Variants in HS3ST3A1 observed in about 807,000 individuals in gnomAD.
HS3ST3A1 encodes the protein heparan sulfate-glucosamine 3-sulfotransferase 3A1.
A neutral mutation model predicts 25.7 loss-of-function variants in HS3ST3A1; 19 were observed. The observed-to-expected ratio is 0.74, with a 90% confidence interval of 0.52 to 1.08. The LOEUF (loss-of-function observed/expected upper bound fraction) is 1.08. Ranked by LOEUF, HS3ST3A1 falls within the 50% of genes least tolerant of loss-of-function variation. HS3ST3A1 has a pLI of 0.00. For synonymous variants in HS3ST3A1, 226 were observed against 278.6 expected, an observed-to-expected ratio of 0.81 and a Z score of 1.88; for missense variants, 459 against 594.3, an observed-to-expected ratio of 0.77 and a Z score of 2.37.
chr17:13,496,292 C>G lies in HS3ST3A1; in HGVS notation c.1126G>C (p.Asp376His), dbSNP rs372095438. The part of the protein sequence containing the change: ...KTKGRTHPEI[D>H]REVVRRLREF... The stretch of plus-strand genomic sequence containing the variant: ...CGCAGCCTGCGCACCACCTCGCGGT[C>G]GATCTCAGGATGGGTCCTGCCCTTG... Residue 376 changes from aspartate to histidine, a missense_variant, in exon 2 of 2, where the codon GAC becomes CAC. By Grantham distance (81) the Asp-to-His change is moderately conservative. Around this residue, in one of 3 missense-constraint regions of HS3ST3A1, gnomAD observed 46 missense variants for 59.0 expected, o/e 0.78. Coordinates refer to ENST00000284110, the MANE Select transcript of HS3ST3A1 (RefSeq NM_006042.3). 1.3e-5 allele frequency: 20 copies of G among 1,550,692 alleles called. No homozygotes were observed. The highest frequency in any genetic ancestry group is 1.6e-5 in the Non-Finnish European group (19 of 1,152,050).
Position 13,601,088 on chromosome 17 carries a change from G to A in HS3ST3A1, c.42C>T (p.Ala14=). Reference sequence around the variant, plus strand: ...GGAAGATGCTGCGGGACAGCGGCTCGGCCGAGGTGGAGAGGGCACTGGCCG... The same window carrying A: ...GGAAGATGCTGCGGGACAGCGGCTCAGCCGAGGTGGAGAGGGCACTGGCCG... The part of the protein sequence containing the change: ...PGPASALSTS[A]EPLSRSIFRK... The change falls in exon 1 of 2, where the codon GCC becomes GCT. Residue 14 remains alanine (A), a synonymous_variant. Transcript: ENST00000284110. 1 of 1,592,396 alleles carries A rather than the reference G, an allele frequency of 6.3e-7. No homozygotes were observed.
At chr17:13,498,428 C>A (rs554155955) in intron 1 of HS3ST3A1, among the ~76,000 whole-genome samples, 1 of 152,136 alleles carries the variant, frequency 6.6e-6, no homozygotes, top group Non-Finnish European at 1.5e-5. Context: ...TCTCTCTCCC[C>A]CAAGGCAGGT....
rs186336080 is a variant in HS3ST3A1, at chr17:13,539,316, G to A, written c.600-42498C>T. 2.3e-3 allele frequency among the ~76,000 whole-genome samples: 353 copies of A among 152,274 alleles called. 2 individuals are homozygous for A. The highest frequency in any genetic ancestry group is 7.8e-3 in the African/African-American group (324 of 41,556). On this transcript the variant is annotated intron_variant, in intron 1 of 1. Transcript: ENST00000284110. ...GAACATAATTAGATTCCATGATTCC[G>A]TATCTGGATGGGGTAAATGGAATGC...
intron 1 of HS3ST3A1, among the ~76,000 whole-genome samples, chr17:13,591,204 C>T (rs1209924352): frequency 1.3e-5 from 2 of 151,922 alleles, no homozygotes; most frequent in Middle Eastern, 3.4e-3. Context: ...GGCCACCACA[C>T]CCGGCTAATC....
At chr17:13,540,634 T>G (rs1906905102) in intron 1 of HS3ST3A1, among the ~76,000 whole-genome samples, 1 of 152,246 alleles carries the variant, frequency 6.6e-6, no homozygotes, top group African/African-American at 2.4e-5. Context: ...CAAAATATTT[T>G]TTCAAAACTT....
chr17:13,571,244 T>C (rs1168898526), intron 1 of HS3ST3A1, among the ~76,000 whole-genome samples: 3 of 151,958 alleles, frequency 2.0e-5, no homozygotes, highest in Non-Finnish European at 4.4e-5. Context: ...CAGATAAAAA[T>C]CCCCCGAAAT....
Position 13,496,081 on chromosome 17 carries a change from C to T in HS3ST3A1, c.*116G>A. 5 of 1,247,594 alleles carry T rather than the reference C, an allele frequency of 4.0e-6. No homozygotes were observed. The highest frequency in any genetic ancestry group is 5.4e-6 in the Non-Finnish European group (5 of 930,034). The allele number at this position is 1,247,594 out of a possible 1,614,324, so 77.3% of individuals were successfully genotyped here. On this transcript the variant is annotated 3_prime_UTR_variant, in exon 2 of 2. Coordinates refer to ENST00000284110, the MANE Select transcript of HS3ST3A1 (RefSeq NM_006042.3). ...GGAGTGAGAACAATCTCTTAACATTCATTGAAAAAAATACTGAAACATATT... is the reference window on the plus strand; with the variant it reads ...GGAGTGAGAACAATCTCTTAACATTTATTGAAAAAAATACTGAAACATATT...
intron 1 of HS3ST3A1, among the ~76,000 whole-genome samples, chr17:13,539,036 G>T (rs1216429477): frequency 6.6e-6 from 1 of 152,202 alleles, no homozygotes; most frequent in Non-Finnish European, 1.5e-5. Context: ...GTCAGCTGGG[G>T]CTAGAATGAT....
At chr17:13,527,858 T>C (rs1047612353) in intron 1 of HS3ST3A1, among the ~76,000 whole-genome samples, 3 of 152,222 alleles carry the variant, frequency 2.0e-5, no homozygotes, top group African/African-American at 7.2e-5. Context: ...GGCTAATATT[T>C]AAAGTGTCAA....
At chr17:13,530,519 TCAAAGGCGGTCCTGTTA>T (rs1906573425) in intron 1 of HS3ST3A1, among the ~76,000 whole-genome samples, 1 of 152,154 alleles carries the variant, frequency 6.6e-6, no homozygotes, top group African/African-American at 2.4e-5. Flanking sequence ...CAGGCAGATT[TCAAAGGCGGTCCTGTTA>T]CAAAGGCAGT....
chr17:13,539,601 T>C (rs1234369216), intron 1 of HS3ST3A1, among the ~76,000 whole-genome samples: 9 of 152,190 alleles, frequency 5.9e-5, no homozygotes, highest in Admixed American at 5.2e-4. Context: ...GCACCATGAG[T>C]CAATTTGTAA....
At chr17:13,552,322 C>T (rs963619504) in intron 1 of HS3ST3A1, among the ~76,000 whole-genome samples, 2 of 152,072 alleles carry the variant, frequency 1.3e-5, no homozygotes, top group African/African-American at 4.8e-5. Flanking sequence ...ACCTCGTGAT[C>T]CACCCGCCTC....
intron 1 of HS3ST3A1, among the ~76,000 whole-genome samples, chr17:13,579,963 AAAAG>A (rs1938032351): frequency 2.0e-5 from 3 of 147,086 alleles, no homozygotes; most frequent in Admixed American, 6.7e-5. Flanking sequence ...AAAAAAAAAA[AAAAG>A]AAAAAAGAAA....
At chr17:13,590,620 T>C (rs181253346) in intron 1 of HS3ST3A1, among the ~76,000 whole-genome samples, 10 of 152,302 alleles carry the variant, frequency 6.6e-5, no homozygotes, top group Admixed American at 6.5e-4. Flanking sequence ...CTAAAGGAAG[T>C]TCAGATCAAC....
intron 1 of HS3ST3A1, among the ~76,000 whole-genome samples, chr17:13,594,000 A>C (rs892593283): frequency 1.3e-5 from 2 of 152,122 alleles, no homozygotes; most frequent in African/African-American, 4.8e-5. Flanking sequence ...CATCTGGGAT[A>C]GCTTAGCGGT....
chr17:13,544,526 G>A (rs1163175606), intron 1 of HS3ST3A1, among the ~76,000 whole-genome samples: 2 of 152,140 alleles, frequency 1.3e-5, no homozygotes, highest in Non-Finnish European at 2.9e-5. Context: ...TCACTTTTCA[G>A]GCCCTGCGCC....
intron 1 of HS3ST3A1, among the ~76,000 whole-genome samples, chr17:13,548,389 C>CT (rs1394876183): frequency 1.3e-5 from 2 of 152,224 alleles, no homozygotes; most frequent in African/African-American, 2.4e-5. Flanking sequence ...CATCCTCTCA[C>CT]TTAAGCCTGA....
chr17:13,534,726 C>T (rs1906717347), intron 1 of HS3ST3A1, among the ~76,000 whole-genome samples: 1 of 151,806 alleles, frequency 6.6e-6, no homozygotes. Flanking sequence ...GACACCCTGT[C>T]TCAAAAAAAT....
chr17:13,520,360 G>A (rs2142317477), intron 1 of HS3ST3A1, among the ~76,000 whole-genome samples: 1 of 152,298 alleles, frequency 6.6e-6, no homozygotes, highest in South Asian at 2.1e-4. Flanking sequence ...TAAAGCTACA[G>A]TATGTTTGAA....
Sources: allele counts gnomAD v4.1 joint callset (sites outside exome capture counted in the v4.1 genomes callset), GRCh38; gene constraint gnomAD v4.1.1; regional missense constraint gnomAD v4.1.1; transcripts MANE v1.5; gene names NCBI Gene and HGNC (gene_info 2026-07-23, HGNC 2026-07-21).